The following KIF1B variants were observed in gnomAD, a reference collection of about 807,000 sequenced individuals.
KIF1B encodes the protein kinesin family member 1B.
In KIF1B, 76 loss-of-function variants were observed where a neutral mutation model predicts 241.9. The ratio of observed to expected loss-of-function variants is 0.31; its 90% CI spans 0.26 to 0.38. The LOEUF is 0.38. Among genes scored for constraint, KIF1B ranks in the 10% least tolerant of loss-of-function variants. The pLI, the probability that KIF1B is intolerant of heterozygous loss-of-function variation, is 1.00. For synonymous variants in KIF1B, 750 were observed against 796.7 expected (o/e 0.94, Z 0.99); for missense variants, 1,622 against 2,271.4 (o/e 0.71, Z 5.81).
Position 10,365,275 on chromosome 1 carries a change from A to G in KIF1B, c.4512+30A>G, listed in dbSNP as rs747580152. 6 of 1,613,694 alleles carry G rather than the reference A, an allele frequency of 3.7e-6. No individual in the cohort carries two copies. The Admixed American group carries it at 6.7e-5, about 18-fold the overall frequency. ...CCAGGGGCAGGGTTGTTCAGATGCA[A>G]GAACTCTCGGACAAGATTGCCAAAG... On this transcript the variant is annotated intron_variant, in intron 42 of 48. Coordinates refer to ENST00000676179, the MANE Select transcript of KIF1B (RefSeq NM_001365951.3). This position sits in a 1 kb window ranked among gnomAD's most constrained non-coding sequence, Gnocchi z 4.0.
intron 27 of KIF1B, among the ~76,000 whole-genome samples, chr1:10,329,978 C>T (rs1453127220): frequency 6.6e-6 from 1 of 152,096 alleles, no homozygotes; most frequent in East Asian, 1.9e-4. Flanking sequence ...CTCTAAGTAC[C>T]TTAACTGACA....
rs535695625 is a variant in KIF1B at position 10,343,298 on chromosome 1, G to A, written c.3688+11G>A. ...CACTGTCCAAGCCAGGTGAGCACTCGCTCCGCTTTTTGCATGATGATCTCT... is the reference window on the plus strand; with the variant it reads ...CACTGTCCAAGCCAGGTGAGCACTCACTCCGCTTTTTGCATGATGATCTCT... On this transcript the variant is annotated intron_variant, in intron 34 of 48. Transcript: ENST00000676179. 73 of 1,613,718 alleles carry A rather than the reference G, an allele frequency of 4.5e-5. No individual in the cohort carries two copies. In the South Asian group the frequency reaches 6.7e-4, roughly 15 times the overall value.
chr1:10,215,952 A>G (rs1646762527), intron 1 of KIF1B, among the ~76,000 whole-genome samples: 1 of 152,198 alleles, frequency 6.6e-6, no homozygotes, highest in Non-Finnish European at 1.5e-5. Context: ...ATAAACAATA[A>G]CAGAAACAAC....
chr1:10,311,753 T>G (rs768401843), intron 22 of KIF1B, among the ~76,000 whole-genome samples: 1 of 151,454 alleles, frequency 6.6e-6, no homozygotes. Context: ...CCTTTCCAGC[T>G]GCTCCATCAT....
At chr1:10,268,388 G>C (rs781432613) in intron 7 of KIF1B, 125 bp downstream of exon 7, 1 of 717,490 alleles carries the variant, frequency 1.4e-6, no homozygotes, top group South Asian at 1.5e-5. Context: ...TTAATGGAGG[G>C]TGTTTTATAC....
chr1:10,342,730 C>A (rs1189492434), intron 33 of KIF1B, among the ~76,000 whole-genome samples: 1 of 152,140 alleles, frequency 6.6e-6, no homozygotes, highest in Non-Finnish European at 1.5e-5. Context: ...TTAAAACATG[C>A]TATTGATACC....
intron 2 of KIF1B, among the ~76,000 whole-genome samples, chr1:10,251,327 CTTTCTT>C (rs1647429483): frequency 8.9e-6 from 1 of 112,552 alleles, no homozygotes; most frequent in Non-Finnish European, 1.8e-5. Context: ...GTAGTTTTTC[CTTTCTT>C]TTTTTTTTTT....
chr1:10,219,290 A>G (rs61775874), intron 1 of KIF1B, among the ~76,000 whole-genome samples: 50,059 of 151,406 alleles, frequency 0.33, 8,433 homozygotes, highest in Middle Eastern at 0.38. Flanking sequence ...GAGAAACCCC[A>G]TCTCTACTAA....
At chr1:10,262,703 A>G (rs1361669798) in intron 5 of KIF1B, among the ~76,000 whole-genome samples, 1 of 152,136 alleles carries the variant, frequency 6.6e-6, no homozygotes, top group Non-Finnish European at 1.5e-5. Context: ...TTTGATTACT[A>G]GTATGGTTGA....
At chr1:10,331,256 T>C (rs962777935) in intron 27 of KIF1B, among the ~76,000 whole-genome samples, 1 of 152,270 alleles carries the variant, frequency 6.6e-6, no homozygotes. Flanking sequence ...TGTGTATGTG[T>C]TGACTTTGAA....
At chr1:10,310,836 C>T (rs1651034810) in intron 22 of KIF1B, among the ~76,000 whole-genome samples, 1 of 151,470 alleles carries the variant, frequency 6.6e-6, no homozygotes, top group Non-Finnish European at 1.5e-5. Context: ...ACAAGGTGCT[C>T]TGAAAGGGTT....
At chr1:10,336,594 T>C (rs2102315152) in intron 28 of KIF1B, 63 bp from the exon 29 acceptor site, 1 of 1,317,982 alleles carries the variant, frequency 7.6e-7, no homozygotes, top group Non-Finnish European at 1.1e-6. Flanking sequence ...CAGCAAGAGC[T>C]TTTTCCCTCC....
At position 10,297,043 on chromosome 1, in the gene KIF1B, CA is replaced by C; in HGVS notation, c.2010del (p.Gly671GlufsTer4). On this transcript the variant is annotated frameshift_variant, in exon 21 of 49. Transcript: ENST00000676179. LOFTEE classifies it high-confidence loss of function. ...TGCCCAGAGGGAGCTTCTGGAAAAA[CA>C]AGGAATTGATATGAAACAAGAGATG... is the stretch of plus-strand genomic sequence containing the variant. ...TFAQRELLEKQGIDMKQEMEK... is the reference protein window; with the variant it reads ...TFAQRELLEKXGIDMKQEMEK... The C allele has an allele frequency of 6.2e-7, 1 of 1,613,830 alleles. No homozygotes were observed. Among genetic ancestry groups the C allele is most frequent in the Non-Finnish European group, 8.5e-7 (1 of 1,179,972 alleles).
At chr1:10,277,896 AG>A in intron 12 of KIF1B, 89 bp from the exon 13 acceptor site, 2 of 1,141,270 alleles carry the variant, frequency 1.8e-6, no homozygotes, top group Non-Finnish European at 2.6e-6. Context: ...GTAAACACTC[AG>A]GATATTTGAT....
intron 17 of KIF1B, among the ~76,000 whole-genome samples, chr1:10,293,560 A>G (rs1282558568): frequency 6.6e-6 from 1 of 151,948 alleles, no homozygotes; most frequent in Admixed American, 6.6e-5. Context: ...ACGCCCAGCT[A>G]AGTTTTGTAT....
intron 44 of KIF1B, among the ~76,000 whole-genome samples, chr1:10,370,593 T>TAATAAGAAG (rs551427169): frequency 2.0e-4 from 28 of 141,378 alleles, no homozygotes; most frequent in African/African-American, 7.2e-4. Context: ...ATAATAATAA[T>TAATAAGAAG]AAGAAGAAGA....
At chr1:10,230,239 T>G (rs1389446077) in intron 1 of KIF1B, among the ~76,000 whole-genome samples, 1 of 152,216 alleles carries the variant, frequency 6.6e-6, no homozygotes, top group Non-Finnish European at 1.5e-5. Context: ...TATGGTGTTG[T>G]GTAGTTGGAG....
intron 2 of KIF1B, among the ~76,000 whole-genome samples, chr1:10,252,936 G>A (rs1647549327): frequency 6.6e-6 from 1 of 152,038 alleles, no homozygotes; most frequent in South Asian, 2.1e-4. Flanking sequence ...TGTTGGACAG[G>A]CTGGTCTGCA....
At chr1:10,323,763 T>G (rs1305572780) in intron 24 of KIF1B, 121 bp from the exon 25 acceptor site, 4 of 768,870 alleles carry the variant, frequency 5.2e-6, no homozygotes, top group Non-Finnish European at 6.6e-6. Flanking sequence ...AGTAGAAAGT[T>G]AGTCACAAGA....
Sources: gnomAD v4.1 joint callset for allele counts (sites outside exome capture counted in the v4.1 genomes callset) on GRCh38, gnomAD v4.1.1 for gene constraint, Gnocchi (gnomAD v3.1) non-coding constraint, MANE v1.5 for transcripts, NCBI Gene and HGNC (gene_info 2026-07-23, HGNC 2026-07-21) for gene names.